Variants in ABI3BP observed in about 807,000 individuals in gnomAD.
The protein encoded by ABI3BP is target of Nesh-SH3.
In ABI3BP, 216 loss-of-function variants were observed where a neutral mutation model predicts 268.6. The ratio of observed to expected loss-of-function variants is 0.80; its 90% CI spans 0.72 to 0.90. The LOEUF (loss-of-function observed/expected upper bound fraction) is 0.90. Ranked by LOEUF, ABI3BP falls within the 40% of genes least tolerant of loss-of-function variation. The pLI, the probability that ABI3BP is intolerant of heterozygous loss-of-function variation, is 0.00. For missense variants in ABI3BP, 2,090 were observed against 2,182.4 expected, an observed-to-expected ratio of 0.96 and a Z score of 0.84; for synonymous variants, 730 against 730.0, an observed-to-expected ratio of 1.00 and a Z score of 0.00.
rs563066230 is a variant in ABI3BP at position 100,853,375 on chromosome 3, C to T, written c.1286-1435G>A. Among the ~76,000 whole-genome samples, 92 of 152,198 alleles carry T rather than the reference C, an allele frequency of 6.0e-4. 1 individual carries two copies. In the South Asian group the frequency reaches 0.016, roughly 27 times the overall value. ...TTTTAAAAGATTAATCAAAAGTGCC[C>T]GCAATTTCTGATCTTAAGCTTATTT... On this transcript the variant is annotated intron_variant, in intron 14 of 67. Transcript: ENST00000471714.
At chr3:100,898,660 G>T in intron 4 of ABI3BP, 102 bp downstream of exon 4, 2 of 1,327,522 alleles carry the variant, frequency 1.5e-6, no homozygotes, top group Non-Finnish European at 2.0e-6. Flanking sequence ...CCTAGAACAG[G>T]CTGTACAGCT....
chr3:100,787,646 T>C, intron 57 of ABI3BP, 82 bp downstream of exon 57: 2 of 1,167,872 alleles, frequency 1.7e-6, no homozygotes, highest in East Asian at 2.7e-5. Flanking sequence ...GAAATTAAAA[T>C]GTGAATTCAG....
chr3:100,868,143 C>T (rs1166452885), intron 9 of ABI3BP, among the ~76,000 whole-genome samples: 1 of 152,148 alleles, frequency 6.6e-6, no homozygotes, highest in Non-Finnish European at 1.5e-5. Context: ...ATCACATAAT[C>T]GGACAGGATT....
At chr3:100,939,507 A>G (rs546406506) in intron 1 of ABI3BP, among the ~76,000 whole-genome samples, 17 of 152,134 alleles carry the variant, frequency 1.1e-4, no homozygotes, top group Non-Finnish European at 2.2e-4. Context: ...ACGTGTCGGT[A>G]GGTTCTGTGA....
chr3:100,766,280 T>C lies in ABI3BP; in HGVS notation c.4742-331A>G, dbSNP rs566678956. On this transcript the variant is annotated intron_variant, in intron 62 of 67. Coordinates refer to ENST00000471714, the MANE Select transcript of ABI3BP (RefSeq NM_001375547.2). Reference sequence around the variant, plus strand: ...TGATTTTGTTAGGTGAGTCAGATAGTCTGCCGCTGCTGCAAAGCCCCATTT... The same window carrying C: ...TGATTTTGTTAGGTGAGTCAGATAGCCTGCCGCTGCTGCAAAGCCCCATTT... 8.5e-5 allele frequency among the ~76,000 whole-genome samples: 13 copies of C among 152,320 alleles called. No homozygotes were observed. The East Asian group carries it at 2.3e-3, about 27-fold the overall frequency.
At chr3:100,847,955 T>C (rs2098792260) in intron 18 of ABI3BP, among the ~76,000 whole-genome samples, 1 of 152,216 alleles carries the variant, frequency 6.6e-6, no homozygotes, top group African/African-American at 2.4e-5. Flanking sequence ...AATAAGCATC[T>C]GTACCACCCA....
chr3:100,769,146 C>G (rs2096452959), intron 62 of ABI3BP, among the ~76,000 whole-genome samples: 1 of 152,086 alleles, frequency 6.6e-6, no homozygotes, highest in African/African-American at 2.4e-5. Flanking sequence ...TAAGGGAACA[C>G]TAAAACAAAA....
At chr3:100,929,036 T>C (rs2062788952) in intron 1 of ABI3BP, among the ~76,000 whole-genome samples, 1 of 152,104 alleles carries the variant, frequency 6.6e-6, no homozygotes, top group Non-Finnish European at 1.5e-5. Flanking sequence ...CCCTGCTCAA[T>C]AGAATGGAAC....
intron 9 of ABI3BP, among the ~76,000 whole-genome samples, chr3:100,868,615 G>A (rs1454472073): frequency 1.3e-5 from 2 of 152,084 alleles, no homozygotes; most frequent in African/African-American, 4.8e-5. Context: ...ATCCCTACTT[G>A]ATAAAGGCAT....
rs2095204313 is a variant in ABI3BP, at chr3:100,749,443, TC to T, written c.*1051del. 7.7e-6 allele frequency: 3 copies of T among 391,406 alleles called. No homozygotes were observed. The highest frequency in any genetic ancestry group is 2.1e-5 in the African/African-American group (1 of 48,430). The allele number at this position is 391,406 out of a possible 1,614,324, so 24.2% of individuals were successfully genotyped here. The stretch of plus-strand genomic sequence containing the variant: ...GTTGAAAGGTAAGTACAGGGAAAGG[TC>T]CTTTCAGAATGACTGCAACAGTGCA... On this transcript the variant is annotated 3_prime_UTR_variant, in exon 68 of 68. Coordinates refer to ENST00000471714, the MANE Select transcript of ABI3BP (RefSeq NM_001375547.2).
chr3:100,942,827 T>C (rs1211259860), intron 1 of ABI3BP, among the ~76,000 whole-genome samples: 2 of 152,120 alleles, frequency 1.3e-5, no homozygotes, highest in African/African-American at 4.8e-5. Context: ...TACTCAAGTT[T>C]GAGAGCCATT....
At chr3:100,981,444 A>G (rs1282256477) in intron 1 of ABI3BP, among the ~76,000 whole-genome samples, 1 of 152,062 alleles carries the variant, frequency 6.6e-6, no homozygotes, top group African/African-American at 2.4e-5. Flanking sequence ...AAGGAGGATG[A>G]AAGTTTAGGA....
chr3:100,841,049 A>G (rs1029472358), intron 21 of ABI3BP, among the ~76,000 whole-genome samples, 191 bp from the exon 22 acceptor site: 1 of 152,204 alleles, frequency 6.6e-6, no homozygotes, highest in Admixed American at 6.5e-5. Flanking sequence ...GCGAACAAAA[A>G]AATGTAGCCA....
intron 18 of ABI3BP, 109 bp downstream of exon 18, chr3:100,848,692 G>C (rs1215409491): frequency 4.7e-6 from 5 of 1,052,718 alleles, no homozygotes; most frequent in African/African-American, 4.7e-5. Flanking sequence ...CTCCCAAAGT[G>C]CTGGAGTTGC....
chr3:100,907,416 C>T lies in ABI3BP; in HGVS notation c.260-4730G>A, dbSNP rs562806026. On this transcript the variant is annotated intron_variant, in intron 2 of 67. Transcript: ENST00000471714. ...GGCTGAGGTGGGAAGATTGCTTGAG[C>T]CCATGAGGCACAGGTTGCAGTGAGC... Among the ~76,000 whole-genome samples, 20 of 152,232 alleles carry T rather than the reference C, an allele frequency of 1.3e-4. 1 individual carries two copies. The South Asian group carries it at 3.5e-3, about 27-fold the overall frequency.
intron 14 of ABI3BP, among the ~76,000 whole-genome samples, chr3:100,853,571 C>G (rs1036528510): frequency 6.6e-6 from 1 of 152,104 alleles, no homozygotes; most frequent in Non-Finnish European, 1.5e-5. Flanking sequence ...CTTTGTTATC[C>G]TAACTCCTAA....
intron 20 of ABI3BP, among the ~76,000 whole-genome samples, chr3:100,845,260 G>C (rs538123242): frequency 2.3e-4 from 35 of 152,230 alleles, no homozygotes; most frequent in African/African-American, 8.4e-4. Flanking sequence ...CCACTATTAA[G>C]GCTTTTGAGT....
chr3:100,865,183 C>T (rs2099037742), intron 10 of ABI3BP, among the ~76,000 whole-genome samples: 1 of 152,120 alleles, frequency 6.6e-6, no homozygotes, highest in Non-Finnish European at 1.5e-5. Flanking sequence ...TTTAAATCTG[C>T]CTTTTTCTTT....
Position 100,850,714 on chromosome 3 carries a change from C to A in ABI3BP, c.1372G>T (p.Asp458Tyr), listed in dbSNP as rs781436426. ...CTAGAAGTTTTAGGTGGGATAGAAT[C>A]CAGAATACGATCACTTGTTGCTGTT... The part of the protein sequence containing the change: ...SYTATSDRIL[D>Y]SIPPKTSRTL... Residue 458 changes from aspartate (D) to tyrosine (Y), a missense_variant, in exon 16 of 68, where the codon GAT becomes TAT. Physicochemically the swap from Asp to Tyr is radical, Grantham distance 160. Transcript: ENST00000471714. The A allele has an allele frequency of 1.9e-6, 3 of 1,612,240 alleles. No individual in the cohort carries two copies. Among genetic ancestry groups the A allele is most frequent in the South Asian group, 1.1e-5 (1 of 90,954 alleles).
Sources: gnomAD v4.1 joint callset for allele counts (sites outside exome capture counted in the v4.1 genomes callset) on GRCh38, gnomAD v4.1.1 for gene constraint, MANE v1.5 for transcripts, NCBI Gene and HGNC (gene_info 2026-07-23, HGNC 2026-07-21) for gene names.